The following GNG7 variants were observed in gnomAD, a reference collection of about 807,000 sequenced individuals.
The protein encoded by GNG7 is guanine nucleotide-binding protein G(I)/G(S)/G(O) subunit gamma-7.
GNG7 carries 1 observed loss-of-function variant against 4.0 expected under a neutral mutation model. The ratio of observed to expected loss-of-function variants is 0.25; its 90% confidence interval spans 0.09 to 1.18. The LOEUF (loss-of-function observed/expected upper bound fraction) is 1.18, where lower values mean the gene tolerates loss of function less well. GNG7 is among the 50% of genes most tolerant of loss of function. The pLI is 0.50. For synonymous variants in GNG7, 34 were observed against 36.9 expected (o/e 0.92, Z 0.29); for missense variants, 86 against 91.9 (o/e 0.94, Z 0.26).
chr19:2,635,846 G>A (rs1982293603), intron 2 of GNG7, among the ~76,000 whole-genome samples: 1 of 152,210 alleles, frequency 6.6e-6, no homozygotes, highest in Admixed American at 6.5e-5. Flanking sequence ...GCCTCCCAAA[G>A]TGCTGGGATT....
intron 3 of GNG7, among the ~76,000 whole-genome samples, chr19:2,522,128 C>T (rs1354855901): frequency 6.6e-6 from 1 of 152,092 alleles, no homozygotes; most frequent in African/African-American, 2.4e-5. Flanking sequence ...GGGGGTGCTC[C>T]TGGCAGGGAG....
At chr19:2,605,987 C>A (rs1233592737) in intron 2 of GNG7, among the ~76,000 whole-genome samples, 1 of 152,180 alleles carries the variant, frequency 6.6e-6, no homozygotes. Flanking sequence ...GCATTACTCA[C>A]ACGACATACA....
chr19:2,643,303 T>G (rs1448841722), intron 2 of GNG7: 2 of 421,860 alleles, frequency 4.7e-6, no homozygotes, highest in Non-Finnish European at 4.7e-6. Context: ...AAATGCAAAG[T>G]CCGAGACCTC....
At chr19:2,675,296 A>AC (rs2144893147) in intron 1 of GNG7, among the ~76,000 whole-genome samples, 1 of 152,310 alleles carries the variant, frequency 6.6e-6, no homozygotes, top group South Asian at 2.1e-4. Context: ...CCAGCCAGGA[A>AC]CAGCAGCAAG....
chr19:2,608,442 G>A (rs544737277), intron 2 of GNG7, among the ~76,000 whole-genome samples: 23 of 152,290 alleles, frequency 1.5e-4, no homozygotes, highest in African/African-American at 5.1e-4. Flanking sequence ...GCACACTGAC[G>A]GCCTCGGTGC....
intron 3 of GNG7, among the ~76,000 whole-genome samples, chr19:2,553,804 G>GTAATA (rs1979445122): frequency 1.0e-5 from 1 of 95,806 alleles, no homozygotes; most frequent in Admixed American, 1.1e-4. Context: ...CGTATCATGT[G>GTAATA]TAATATATCA....
intron 2 of GNG7, among the ~76,000 whole-genome samples, chr19:2,560,685 G>A (rs111648209): frequency 3.9e-5 from 6 of 152,194 alleles, no homozygotes; most frequent in African/African-American, 1.2e-4. Context: ...AGCTGGGCGC[G>A]GTGGCTCACG....
At chr19:2,639,176 G>A (rs1432064733) in intron 2 of GNG7, among the ~76,000 whole-genome samples, 2 of 151,720 alleles carry the variant, frequency 1.3e-5, no homozygotes, top group Non-Finnish European at 2.9e-5. Context: ...GGAGGTGGCA[G>A]TGAACCAAGA....
intron 2 of GNG7, among the ~76,000 whole-genome samples, chr19:2,624,063 G>A (rs899526255): frequency 6.6e-6 from 1 of 152,016 alleles, no homozygotes; most frequent in Non-Finnish European, 1.5e-5. Flanking sequence ...AAGGGGACGG[G>A]GAGCAAGTGT....
At chr19:2,526,901 A>C (rs1176297710) in intron 3 of GNG7, among the ~76,000 whole-genome samples, 2 of 151,288 alleles carry the variant, frequency 1.3e-5, no homozygotes, top group Non-Finnish European at 2.9e-5. Flanking sequence ...GCTGGAGTGC[A>C]GTGGCACAAT....
chr19:2,676,468 A>G (rs1983595395), intron 1 of GNG7, among the ~76,000 whole-genome samples: 1 of 152,162 alleles, frequency 6.6e-6, no homozygotes, highest in African/African-American at 2.4e-5. Context: ...GCTAGAGTGC[A>G]GTGGCACAGT....
intron 1 of GNG7, among the ~76,000 whole-genome samples, chr19:2,654,609 C>T (rs1031869748): frequency 5.9e-5 from 9 of 152,214 alleles, no homozygotes; most frequent in Non-Finnish European, 1.3e-4. Context: ...CAGGAGGCTG[C>T]ACACATTGAA....
chr19:2,576,459 T>C (rs906561832), intron 2 of GNG7, among the ~76,000 whole-genome samples: 2 of 152,224 alleles, frequency 1.3e-5, no homozygotes, highest in Non-Finnish European at 2.9e-5. Context: ...GGACGGGCAC[T>C]GCAGCAGCTG....
At chr19:2,615,165 CTTTTTT>C (rs759241731) in intron 2 of GNG7, among the ~76,000 whole-genome samples, 2 of 145,464 alleles carry the variant, frequency 1.4e-5, no homozygotes, top group Non-Finnish European at 3.0e-5. Context: ...CTGTGACACT[CTTTTTT>C]TTTTTTTTGA....
chr19:2,674,716 G>A (rs185754884), intron 1 of GNG7, among the ~76,000 whole-genome samples: 139 of 152,310 alleles, frequency 9.1e-4, no homozygotes, highest in Middle Eastern at 3.4e-3. Flanking sequence ...GATTACAGGC[G>A]TGAGCTACTG....
intron 3 of GNG7, chr19:2,538,251 G>A: frequency 2.2e-6 from 1 of 456,650 alleles, no homozygotes; most frequent in Non-Finnish European, 4.4e-6. Flanking sequence ...CGTGCTGAGT[G>A]GCCCAGGTCA....
At chr19:2,562,883 C>A (rs936132789) in intron 2 of GNG7, among the ~76,000 whole-genome samples, 2 of 152,158 alleles carry the variant, frequency 1.3e-5, no homozygotes, top group African/African-American at 4.8e-5. Context: ...CACCATCGGC[C>A]CCATCGGGAG....
At chr19:2,599,822 A>G (rs1260017413) in intron 2 of GNG7, among the ~76,000 whole-genome samples, 1 of 152,014 alleles carries the variant, frequency 6.6e-6, no homozygotes, top group Admixed American at 6.6e-5. Flanking sequence ...CTGTGATCCC[A>G]GCTACTCAGG....
intron 2 of GNG7, among the ~76,000 whole-genome samples, chr19:2,584,268 C>A (rs1299942155): frequency 7.2e-6 from 1 of 138,680 alleles, no homozygotes; most frequent in Non-Finnish European, 1.5e-5. Context: ...CATAGGGAGA[C>A]CCTATCTCCG....
Sources: allele counts gnomAD v4.1 joint callset (sites outside exome capture counted in the v4.1 genomes callset), GRCh38; gene constraint gnomAD v4.1.1; transcripts MANE v1.5; gene names NCBI Gene and HGNC (gene_info 2026-07-23, HGNC 2026-07-21).